The following IMPG2 variants were observed in gnomAD, a reference collection of about 807,000 sequenced individuals.
IMPG2 encodes IPM 200.
A neutral mutation model predicts 129.2 loss-of-function variants in IMPG2; 91 were observed. That is an observed-to-expected ratio of 0.70 (90% CI 0.59 to 0.84). The LOEUF (loss-of-function observed/expected upper bound fraction) is 0.84. IMPG2 is among the 40% of genes least tolerant of loss of function. IMPG2 has a pLI of 0.00. For synonymous variants in IMPG2, 510 were observed against 517.7 expected, an observed-to-expected ratio of 0.99 and a Z score of 0.20; for missense variants, 1,430 against 1,461.7, an observed-to-expected ratio of 0.98 and a Z score of 0.35.
At chr3:101,274,266 T>C (rs1706819711) in intron 6 of IMPG2, among the ~76,000 whole-genome samples, 1 of 152,108 alleles carries the variant, frequency 6.6e-6, no homozygotes, top group East Asian at 1.9e-4. Flanking sequence ...TTTAGCTGTG[T>C]AAGTAGAATA....
intron 11 of IMPG2, among the ~76,000 whole-genome samples, chr3:101,253,001 T>C (rs1170359075): frequency 6.6e-6 from 1 of 152,214 alleles, no homozygotes. Context: ...TTTTTAGTTG[T>C]AGATGTTATC....
At chr3:101,239,412 A>G (rs1013380704) in intron 14 of IMPG2, among the ~76,000 whole-genome samples, 1 of 152,254 alleles carries the variant, frequency 6.6e-6, no homozygotes, top group Non-Finnish European at 1.5e-5. Context: ...TGGAATGGCG[A>G]TCATTAAAAA....
intron 10 of IMPG2, among the ~76,000 whole-genome samples, chr3:101,256,204 A>C (rs1186939952): frequency 8.6e-5 from 13 of 150,496 alleles, no homozygotes; most frequent in African/African-American, 3.2e-4. Context: ...AAAGAAAGAA[A>C]GAAAGAAAGA....
intron 3 of IMPG2, among the ~76,000 whole-genome samples, chr3:101,302,956 T>G (rs911228432): frequency 3.3e-5 from 5 of 152,166 alleles, no homozygotes; most frequent in Non-Finnish European, 7.4e-5. Context: ...ATTCCTCTCT[T>G]GGACTAAATG....
intron 9 of IMPG2, among the ~76,000 whole-genome samples, chr3:101,261,665 A>G (rs986391836): frequency 1.3e-5 from 2 of 152,112 alleles, no homozygotes; most frequent in African/African-American, 4.8e-5. Flanking sequence ...AGGGAACTCA[A>G]ATAAGTGCTT....
intron 14 of IMPG2, among the ~76,000 whole-genome samples, chr3:101,240,067 TA>T (rs113986295): frequency 0.018 from 2,635 of 146,318 alleles, 70 homozygotes; most frequent in African/African-American, 0.059. Flanking sequence ...TGAAGTATAA[TA>T]AAAAAAAAAA....
intron 3 of IMPG2, among the ~76,000 whole-genome samples, chr3:101,295,481 C>A (rs933922032): frequency 6.6e-6 from 1 of 152,096 alleles, no homozygotes; most frequent in Non-Finnish European, 1.5e-5. Context: ...GTTACTGTAG[C>A]CTTGTAGTCT....
intron 3 of IMPG2, among the ~76,000 whole-genome samples, chr3:101,303,358 A>G (rs1707157388): frequency 6.6e-6 from 1 of 152,196 alleles, no homozygotes; most frequent in Non-Finnish European, 1.5e-5. Context: ...AAATATAAAC[A>G]GTACAGTATT....
intron 3 of IMPG2, among the ~76,000 whole-genome samples, chr3:101,296,338 T>C (rs753533537): frequency 2.6e-5 from 4 of 152,198 alleles, no homozygotes; most frequent in Non-Finnish European, 5.9e-5. Flanking sequence ...GTTTTTGTCA[T>C]TGGTTCTGTT....
intron 4 of IMPG2, among the ~76,000 whole-genome samples, chr3:101,280,342 T>C (rs1051943639): frequency 6.6e-6 from 1 of 152,220 alleles, no homozygotes. Context: ...AATATGTTAC[T>C]ATAATCACAT....
chr3:101,293,301 C>A (rs772802716), intron 3 of IMPG2, among the ~76,000 whole-genome samples: 1 of 152,138 alleles, frequency 6.6e-6, no homozygotes, highest in Non-Finnish European at 1.5e-5. Flanking sequence ...ATTGTATTGG[C>A]AGGCATGAAA....
intron 11 of IMPG2, among the ~76,000 whole-genome samples, chr3:101,253,414 A>T (rs1196415183): frequency 1.3e-5 from 2 of 152,142 alleles, no homozygotes; most frequent in Non-Finnish European, 2.9e-5. Flanking sequence ...GGCACTTAAT[A>T]GCCTAATTAT....
Position 101,319,795 on chromosome 3 carries a change from G to A in IMPG2, c.123C>T (p.Pro41=), listed in dbSNP as rs183804037. Reference sequence around the variant, plus strand: ...GCAGGAGAAAAGAAACTGCACTCTTGGGTTCTTGGATCTCCTCTATAGATA... The same window carrying A: ...GCAGGAGAAAAGAAACTGCACTCTTAGGTTCTTGGATCTCCTCTATAGATA... ...TYLSIEEIQE[P]KSAVSFLLPE... The change falls in exon 2 of 19, where the codon CCC becomes CCT. Residue 41 remains proline, a synonymous_variant. Transcript: ENST00000193391. 3.1e-6 allele frequency: 5 copies of A among 1,613,048 alleles called. No homozygotes were observed. Among genetic ancestry groups the A allele is most frequent in the Non-Finnish European group, 3.4e-6 (4 of 1,179,592 alleles).
At chr3:101,267,756 A>T (rs1371118218) in intron 8 of IMPG2, among the ~76,000 whole-genome samples, 2 of 152,212 alleles carry the variant, frequency 1.3e-5, no homozygotes, top group Non-Finnish European at 2.9e-5. Context: ...TTTTAAAAAT[A>T]CTTTAAAATA....
In IMPG2 at chr3:101,236,743, C is replaced by A. The variant is rs549757212; in HGVS notation, c.3023-3752G>T. Among the ~76,000 whole-genome samples, 22 of 152,288 alleles carry A rather than the reference C, an allele frequency of 1.4e-4. 1 individual carries two copies. The highest frequency in any genetic ancestry group is 5.3e-4 in the African/African-American group (22 of 41,562). On this transcript the variant is annotated intron_variant, in intron 14 of 18. Coordinates refer to ENST00000193391, the MANE Select transcript of IMPG2 (RefSeq NM_016247.4). ...CCCTTGGGTGCCTATACCACTAGGG[C>A]CCTCAGTTTCAAGCAAAAAACTGGG...
intron 15 of IMPG2, among the ~76,000 whole-genome samples, chr3:101,232,461 C>A (rs563927): frequency 0.64 from 97,576 of 151,802 alleles, 31,591 homozygotes; most frequent in Admixed American, 0.69. Flanking sequence ...TGGTCTCAAT[C>A]TCCCGACCTC....
chr3:101,248,317 T>C (rs1370623223), intron 11 of IMPG2, among the ~76,000 whole-genome samples: 1 of 152,198 alleles, frequency 6.6e-6, no homozygotes, highest in African/African-American at 2.4e-5. Context: ...ATCTCTTGTC[T>C]AACACCATGT....
chr3:101,244,308 G>A lies in IMPG2; in HGVS notation c.2023C>T (p.His675Tyr), dbSNP rs749137446. 5 of 1,614,016 alleles carry A rather than the reference G, an allele frequency of 3.1e-6. No individual in the cohort carries two copies. The highest frequency in any genetic ancestry group is 1.1e-5 in the South Asian group (1 of 91,074). Residue 675 changes from histidine to tyrosine, a missense_variant, in exon 13 of 19, where the codon CAC becomes TAC. His to Tyr is a moderately conservative substitution (Grantham distance 83). Coordinates refer to ENST00000193391, the MANE Select transcript of IMPG2 (RefSeq NM_016247.4). The stretch of plus-strand genomic sequence containing the variant: ...CTAAGAGGCTCTTCCTCTGGAAAGT[G>A]TGTGGATCTGTCATCATGTTCATAT... Reference protein sequence around the residue: ...SKYEHDDRSTHFPEEEPLSGP... With the variant: ...SKYEHDDRSTYFPEEEPLSGP...
chr3:101,232,242 T>A (rs1024398718), intron 15 of IMPG2, among the ~76,000 whole-genome samples: 2 of 151,908 alleles, frequency 1.3e-5, no homozygotes, highest in Admixed American at 6.6e-5. Flanking sequence ...TTATTTATTT[T>A]TTATTTTTTT....
Sources: allele counts gnomAD v4.1 joint callset (sites outside exome capture counted in the v4.1 genomes callset), GRCh38; gene constraint gnomAD v4.1.1; transcripts MANE v1.5; gene names NCBI Gene and HGNC (gene_info 2026-07-23, HGNC 2026-07-21).